GLIS3: variants seen among roughly 807,000 people sequenced by gnomAD.
GLIS3 encodes zinc finger protein GLIS3.
A neutral mutation model predicts 78.6 loss-of-function variants in GLIS3; 53 were observed. The ratio of observed to expected loss-of-function variants is 0.67; its 90% CI spans 0.54 to 0.85. The LOEUF is 0.85. GLIS3 is among the 40% of genes least tolerant of loss of function. The pLI, the probability that GLIS3 is intolerant of heterozygous loss-of-function variation, is 0.00. For missense variants in GLIS3, 1,703 were observed against 1,231.1 expected, an observed-to-expected ratio of 1.38 and a Z score of -5.74; for synonymous variants, 684 against 509.9, an observed-to-expected ratio of 1.34 and a Z score of -4.60.
intron 4 of GLIS3, among the ~76,000 whole-genome samples, chr9:3,972,901 G>C (rs1469139694): frequency 1.3e-5 from 2 of 152,114 alleles, no homozygotes; most frequent in East Asian, 3.9e-4. Context: ...TAGTTCTAGT[G>C]AATCTCTCTT....
At chr9:4,221,840 C>T (rs987915565) in intron 2 of GLIS3, among the ~76,000 whole-genome samples, 7 of 152,214 alleles carry the variant, frequency 4.6e-5, no homozygotes, top group Non-Finnish European at 8.8e-5. Context: ...TTTCAGGCCA[C>T]CATATCTCCA....
At chr9:4,180,654 G>A (rs1383989376) in intron 2 of GLIS3, among the ~76,000 whole-genome samples, 2 of 152,148 alleles carry the variant, frequency 1.3e-5, no homozygotes. Context: ...GATCTTAAAA[G>A]GGGGTAGCAT....
At chr9:3,838,434 G>C (rs1026415748) in intron 9 of GLIS3, among the ~76,000 whole-genome samples, 23 of 152,128 alleles carry the variant, frequency 1.5e-4, no homozygotes, top group Non-Finnish European at 1.0e-4. Context: ...GTTTCACTTA[G>C]CCTTGGAGTG....
chr9:4,439,620 C>G, the GLIS3 span, among the ~76,000 whole-genome samples: 1 of 152,374 alleles, frequency 6.6e-6, no homozygotes, highest in East Asian at 1.9e-4. Flanking sequence ...CTACTCTCTC[C>G]TTCTATGAGA....
the GLIS3 span, among the ~76,000 whole-genome samples, chr9:4,463,385 T>C: frequency 6.6e-6 from 1 of 152,212 alleles, no homozygotes; most frequent in Non-Finnish European, 1.5e-5. Context: ...CTCACCTTCC[T>C]TTATTGTTTC....
chr9:4,460,660 A>G, the GLIS3 span, among the ~76,000 whole-genome samples: 1 of 152,140 alleles, frequency 6.6e-6, no homozygotes, highest in Non-Finnish European at 1.5e-5. Flanking sequence ...TTAAAACAGT[A>G]GTAATGTAAG....
At chr9:4,036,292 C>T (rs536201040) in intron 4 of GLIS3, among the ~76,000 whole-genome samples, 1 of 152,006 alleles carries the variant, frequency 6.6e-6, no homozygotes, top group Non-Finnish European at 1.5e-5. Flanking sequence ...TCTCTCAGGC[C>T]TTGCCCTACT....
intron 4 of GLIS3, among the ~76,000 whole-genome samples, chr9:3,989,175 G>T (rs896004366): frequency 1.3e-5 from 2 of 151,984 alleles, no homozygotes; most frequent in East Asian, 3.8e-4. Context: ...ATCAGGGGAA[G>T]GCAAATTAAA....
chr9:4,165,302 G>C (rs767306195), intron 2 of GLIS3, among the ~76,000 whole-genome samples: 1 of 152,106 alleles, frequency 6.6e-6, no homozygotes, highest in African/African-American at 2.4e-5. Flanking sequence ...TTAGCCGGGC[G>C]TGGTGGCACA....
At chr9:4,364,077 T>C in the GLIS3 span, among the ~76,000 whole-genome samples, 89 of 152,322 alleles carry the variant, frequency 5.8e-4, 1 homozygote, top group African/African-American at 2.0e-3. Context: ...GCATATACCA[T>C]TTATGCAAAA....
At chr9:4,297,509 C>G (rs1816648320) in intron 1 of GLIS3, among the ~76,000 whole-genome samples, 1 of 152,178 alleles carries the variant, frequency 6.6e-6, no homozygotes, top group Admixed American at 6.5e-5. Context: ...TCACAAACTC[C>G]AGGGCCCTGG....
intron 6 of GLIS3, among the ~76,000 whole-genome samples, chr9:3,916,539 AAACAC>A (rs1824525888): frequency 6.6e-6 from 1 of 152,244 alleles, no homozygotes; most frequent in Non-Finnish European, 1.5e-5. Context: ...TAAATTCCTT[AAACAC>A]GTCTGTCCAT....
intron 4 of GLIS3, among the ~76,000 whole-genome samples, chr9:3,980,296 G>A (rs1819147689): frequency 1.3e-5 from 2 of 152,214 alleles, no homozygotes; most frequent in Admixed American, 1.3e-4. Context: ...AGCTTCTGGT[G>A]AGAAGCACGT....
the GLIS3 span, among the ~76,000 whole-genome samples, chr9:4,455,193 C>T: frequency 3.3e-5 from 5 of 151,946 alleles, no homozygotes; most frequent in Non-Finnish European, 5.9e-5. Context: ...TCTTTCACAT[C>T]GGTGAGTCCA....
At chr9:4,444,952 A>C in the GLIS3 span, among the ~76,000 whole-genome samples, 1 of 152,256 alleles carries the variant, frequency 6.6e-6, no homozygotes, top group African/African-American at 2.4e-5. Flanking sequence ...GTTAAAAAAT[A>C]TACGACTATT....
At chr9:3,915,784 T>C (rs1824469506) in intron 6 of GLIS3, among the ~76,000 whole-genome samples, 1 of 152,184 alleles carries the variant, frequency 6.6e-6, no homozygotes, top group South Asian at 2.1e-4. Context: ...CTCAGATCTC[T>C]GCAAAGAGTC....
At chr9:4,394,866 T>C in the GLIS3 span, among the ~76,000 whole-genome samples, 1 of 152,234 alleles carries the variant, frequency 6.6e-6, no homozygotes, top group Non-Finnish European at 1.5e-5. Flanking sequence ...CTAACTATTA[T>C]GAATATCTTT....
At chr9:4,047,849 T>A (rs559800139) in intron 4 of GLIS3, among the ~76,000 whole-genome samples, 1 of 152,288 alleles carries the variant, frequency 6.6e-6, no homozygotes, top group African/African-American at 2.4e-5. Context: ...TTCGGTTACA[T>A]AGGAAAATAA....
intron 4 of GLIS3, among the ~76,000 whole-genome samples, chr9:4,099,570 T>C (rs1830213870): frequency 6.6e-6 from 1 of 152,200 alleles, no homozygotes; most frequent in African/African-American, 2.4e-5. Context: ...AAAGACCGTG[T>C]TTTCACATAA....
Sources: gnomAD v4.1 joint callset for allele counts (sites outside exome capture counted in the v4.1 genomes callset) on GRCh38, gnomAD v4.1.1 for gene constraint, MANE v1.5 for transcripts, NCBI Gene and HGNC (gene_info 2026-07-23, HGNC 2026-07-21) for gene names.